Variants in WDFY2 observed in about 807,000 individuals in gnomAD.
WDFY2 encodes the protein WD repeat and FYVE domain-containing protein 2.
In WDFY2, 36 loss-of-function variants were observed where a neutral mutation model predicts 56.4. The ratio of observed to expected loss-of-function variants is 0.64; its 90% CI spans 0.49 to 0.84. The LOEUF is 0.84. Ranked by LOEUF, WDFY2 falls within the 40% of genes least tolerant of loss-of-function variation. WDFY2 has a pLI of 0.00. For synonymous variants in WDFY2, 176 were observed against 183.7 expected, an observed-to-expected ratio of 0.96 and a Z score of 0.34; for missense variants, 444 against 512.2, an observed-to-expected ratio of 0.87 and a Z score of 1.29.
intron 3 of WDFY2, among the ~76,000 whole-genome samples, chr13:51,697,369 C>A (rs1016964979): frequency 3.9e-5 from 6 of 152,096 alleles, no homozygotes; most frequent in African/African-American, 1.4e-4. Context: ...CAGTGACTCA[C>A]GCCTATAATC....
chr13:51,636,815 C>A (rs1955063475), intron 1 of WDFY2, among the ~76,000 whole-genome samples: 3 of 152,122 alleles, frequency 2.0e-5, no homozygotes, highest in African/African-American at 7.2e-5. Context: ...TATTTTTGAC[C>A]AAAGGGCAAC....
chr13:51,659,015 C>G (rs1377764432), intron 1 of WDFY2, among the ~76,000 whole-genome samples: 3 of 152,160 alleles, frequency 2.0e-5, no homozygotes, highest in Non-Finnish European at 4.4e-5. Flanking sequence ...CAACCTCTCC[C>G]TCCCAGGTTC....
intron 2 of WDFY2, 150 bp from the exon 3 acceptor site, chr13:51,675,020 T>C (rs1955862893): frequency 1.5e-6 from 1 of 651,648 alleles, no homozygotes; most frequent in East Asian, 2.7e-5. Flanking sequence ...AAAATTACTG[T>C]TTTTATTTTT....
At chr13:51,742,124 C>A (rs957399215) in intron 7 of WDFY2, among the ~76,000 whole-genome samples, 1 of 152,172 alleles carries the variant, frequency 6.6e-6, no homozygotes, top group Non-Finnish European at 1.5e-5. Context: ...AATGTCCAGC[C>A]ATTCTGTTGA....
intron 5 of WDFY2, among the ~76,000 whole-genome samples, chr13:51,721,176 A>G (rs945103770): frequency 6.6e-6 from 1 of 152,172 alleles, no homozygotes; most frequent in Admixed American, 6.5e-5. Context: ...GAGCTGGCTG[A>G]AGCCCAGAAA....
intron 3 of WDFY2, among the ~76,000 whole-genome samples, chr13:51,681,085 AC>A (rs1955969451): frequency 6.6e-6 from 1 of 152,140 alleles, no homozygotes; most frequent in African/African-American, 2.4e-5. Flanking sequence ...GGGGAACTGA[AC>A]CCAAATGGTA....
At chr13:51,697,961 A>T (rs1342624174) in intron 3 of WDFY2, among the ~76,000 whole-genome samples, 2 of 152,252 alleles carry the variant, frequency 1.3e-5, no homozygotes. Context: ...ATTAGCTCTC[A>T]TAGAGTACTT....
intron 5 of WDFY2, among the ~76,000 whole-genome samples, chr13:51,725,695 A>T (rs1315356654): frequency 7.0e-6 from 1 of 142,244 alleles, no homozygotes; most frequent in Non-Finnish European, 1.5e-5. Context: ...TATATACACA[A>T]TTTTTTTTTT....
chr13:51,628,625 C>T (rs1349493387), intron 1 of WDFY2, among the ~76,000 whole-genome samples: 4 of 152,220 alleles, frequency 2.6e-5, no homozygotes, highest in African/African-American at 4.8e-5. Flanking sequence ...CCCCCTGCTG[C>T]AGCCGGCCTC....
At chr13:51,592,080 C>G (rs889101779) in intron 1 of WDFY2, 4 of 150,724 alleles carry the variant, frequency 2.7e-5, no homozygotes, top group African/African-American at 9.8e-5. Context: ...CAACATGGCA[C>G]ATGTATACAT....
intron 3 of WDFY2, among the ~76,000 whole-genome samples, chr13:51,703,122 A>G (rs1270979427): frequency 6.6e-6 from 1 of 152,218 alleles, no homozygotes; most frequent in Non-Finnish European, 1.5e-5. Flanking sequence ...CTGGGGATAC[A>G]GGGATGAGTA....
At chr13:51,741,231 G>T (rs776029074) in intron 7 of WDFY2, among the ~76,000 whole-genome samples, 4 of 152,196 alleles carry the variant, frequency 2.6e-5, no homozygotes, top group Non-Finnish European at 5.9e-5. Context: ...AGGCTGCTGA[G>T]ATCAGGAGCC....
At chr13:51,726,161 A>G (rs1952600509) in intron 5 of WDFY2, among the ~76,000 whole-genome samples, 1 of 152,148 alleles carries the variant, frequency 6.6e-6, no homozygotes, top group African/African-American at 2.4e-5. Context: ...ATACATACAC[A>G]TTTGTATTTC....
chr13:51,739,777 CT>C (rs1305673437), intron 7 of WDFY2, among the ~76,000 whole-genome samples: 1 of 152,202 alleles, frequency 6.6e-6, no homozygotes, highest in Non-Finnish European at 1.5e-5. Context: ...TGTCCGGTCC[CT>C]GTCTGCTAAG....
In WDFY2 at chr13:51,709,420, G is replaced by C. The variant is rs573532680; in HGVS notation, c.334+5770G>C. ...GTTAACCCAATGCTTCCGGAGGTGG[G>C]AGGATCACTTGGGATCAGGAGTTGA... On this transcript the variant is annotated intron_variant, in intron 4 of 11. Coordinates refer to ENST00000298125, the MANE Select transcript of WDFY2 (RefSeq NM_052950.4). Among the ~76,000 whole-genome samples, 13 of 152,322 alleles carry C rather than the reference G, an allele frequency of 8.5e-5. No individual in the cohort carries two copies. In the South Asian group the frequency reaches 2.5e-3, roughly 29 times the overall value.
chr13:51,707,169 G>T (rs1952101162), intron 4 of WDFY2, among the ~76,000 whole-genome samples: 1 of 151,984 alleles, frequency 6.6e-6, no homozygotes, highest in South Asian at 2.1e-4. Context: ...TTTTTTGGGG[G>T]GCAGCAGGGA....
intron 1 of WDFY2, among the ~76,000 whole-genome samples, chr13:51,660,000 A>G (rs1329349719): frequency 2.6e-5 from 4 of 152,228 alleles, no homozygotes; most frequent in Non-Finnish European, 4.4e-5. Context: ...AGGCAAAACA[A>G]CAAGAACGAA....
intron 5 of WDFY2, among the ~76,000 whole-genome samples, chr13:51,720,597 G>A (rs966538735): frequency 1.3e-5 from 2 of 152,202 alleles, no homozygotes; most frequent in Admixed American, 1.3e-4. Flanking sequence ...AGCACTTAGA[G>A]ATCACCTAGT....
At chr13:51,635,156 C>T (rs1294666130) in intron 1 of WDFY2, among the ~76,000 whole-genome samples, 1 of 152,038 alleles carries the variant, frequency 6.6e-6, no homozygotes, top group Non-Finnish European at 1.5e-5. Context: ...GTTGGCGAGG[C>T]TGGTCTTGAG....
Sources: gnomAD v4.1 joint callset for allele counts (sites outside exome capture counted in the v4.1 genomes callset) on GRCh38, gnomAD v4.1.1 for gene constraint, MANE v1.5 for transcripts, NCBI Gene and HGNC (gene_info 2026-07-23, HGNC 2026-07-21) for gene names.